Variants in TENM3 observed in about 807,000 individuals in gnomAD.
TENM3 encodes teneurin-3.
In TENM3, 63 loss-of-function variants were observed where a neutral mutation model predicts 255.1. The ratio of observed to expected loss-of-function variants is 0.25; its 90% CI spans 0.20 to 0.30. The LOEUF is 0.30. Ranked by LOEUF, TENM3 falls within the 10% of genes least tolerant of loss-of-function variation. The pLI is 1.00. For synonymous variants in TENM3, 1,306 were observed against 1,322.3 expected, an observed-to-expected ratio of 0.99 and a Z score of 0.27; for missense variants, 2,929 against 3,461.1, an observed-to-expected ratio of 0.85 and a Z score of 3.86.
chr4:182,639,709 A>G (rs909146953), intron 5 of TENM3, among the ~76,000 whole-genome samples: 4 of 152,226 alleles, frequency 2.6e-5, no homozygotes, highest in African/African-American at 9.6e-5. Flanking sequence ...TTGAATTCTT[A>G]TTTTCTTATG....
At chr4:182,153,013 C>A (rs922287253) in intron 1 of TENM3, among the ~76,000 whole-genome samples, 1 of 151,332 alleles carries the variant, frequency 6.6e-6, no homozygotes, top group African/African-American at 2.4e-5. Flanking sequence ...ATAAAGAAAC[C>A]TTAATAATTT....
At chr4:181,829,709 C>G in the TENM3 span, among the ~76,000 whole-genome samples, 4 of 152,152 alleles carry the variant, frequency 2.6e-5, no homozygotes, top group Admixed American at 1.3e-4. Flanking sequence ...CCCATTCAGT[C>G]CTCCCATGTC....
chr4:181,797,015 CA>C, the TENM3 span, among the ~76,000 whole-genome samples: 9 of 152,250 alleles, frequency 5.9e-5, 1 homozygote, highest in African/African-American at 1.7e-4. Context: ...GGGAGGCCCA[CA>C]GGCCAGAGTG....
chr4:181,956,860 A>G, the TENM3 span, among the ~76,000 whole-genome samples: 1 of 152,206 alleles, frequency 6.6e-6, no homozygotes. Context: ...CGGGCAACAA[A>G]TATTTATTAA....
chr4:182,087,961 T>C, the TENM3 span, among the ~76,000 whole-genome samples: 108 of 152,274 alleles, frequency 7.1e-4, no homozygotes, highest in African/African-American at 2.3e-3. Flanking sequence ...TTGCACAGTG[T>C]CTTCTACACA....
chr4:181,720,945 T>C, the TENM3 span, among the ~76,000 whole-genome samples: 6 of 151,948 alleles, frequency 3.9e-5, no homozygotes, highest in Non-Finnish European at 7.4e-5. Flanking sequence ...TGAAGTGAGG[T>C]GGCCAGGCTC....
chr4:182,553,936 C>T (rs1350595350), intron 3 of TENM3, among the ~76,000 whole-genome samples: 1 of 152,186 alleles, frequency 6.6e-6, no homozygotes, highest in Non-Finnish European at 1.5e-5. Context: ...TATGTCTCTT[C>T]CCTTACTCTA....
intron 1 of TENM3, among the ~76,000 whole-genome samples, chr4:182,157,823 C>T (rs1750811294): frequency 6.6e-6 from 1 of 152,178 alleles, no homozygotes; most frequent in Admixed American, 6.5e-5. Flanking sequence ...TCAACGGTAG[C>T]AAGCCCAACT....
intron 3 of TENM3, among the ~76,000 whole-genome samples, chr4:182,442,959 A>C (rs1030481024): frequency 3.3e-5 from 5 of 151,926 alleles, no homozygotes; most frequent in Non-Finnish European, 7.4e-5. Flanking sequence ...TCCTGGGCTC[A>C]AATGATCCAT....
the TENM3 span, among the ~76,000 whole-genome samples, chr4:181,802,831 G>A: frequency 1.2e-4 from 19 of 152,168 alleles, no homozygotes; most frequent in Middle Eastern, 3.4e-3. Flanking sequence ...CTTAAATTCC[G>A]TTTTATGCAG....
At chr4:182,485,729 G>A (rs1390575903) in intron 3 of TENM3, among the ~76,000 whole-genome samples, 1 of 152,112 alleles carries the variant, frequency 6.6e-6, no homozygotes, top group Admixed American at 6.6e-5. Flanking sequence ...ATATTTTATT[G>A]AGCAAATGCT....
chr4:181,674,698 G>T, the TENM3 span, among the ~76,000 whole-genome samples: 4 of 152,164 alleles, frequency 2.6e-5, no homozygotes, highest in East Asian at 7.8e-4. Context: ...TTCAGACCAG[G>T]ATTGTTCTGA....
intron 2 of TENM3, among the ~76,000 whole-genome samples, chr4:182,337,581 A>G (rs1300770666): frequency 6.6e-6 from 1 of 152,250 alleles, no homozygotes; most frequent in Non-Finnish European, 1.5e-5. Context: ...AAACTTTCAT[A>G]TGTAAAATGA....
chr4:182,025,528 A>G, the TENM3 span, among the ~76,000 whole-genome samples: 2 of 152,154 alleles, frequency 1.3e-5, no homozygotes, highest in African/African-American at 4.8e-5. Context: ...TCTTTTGGGT[A>G]TACACCCAGC....
At chr4:182,285,621 G>T (rs1486212861) in intron 1 of TENM3, among the ~76,000 whole-genome samples, 1 of 152,198 alleles carries the variant, frequency 6.6e-6, no homozygotes, top group Non-Finnish European at 1.5e-5. Context: ...AGCCAAAGTT[G>T]TTTGGAAAGG....
intron 2 of TENM3, 34 bp from the exon 3 acceptor site, chr4:182,346,617 T>A: frequency 6.4e-7 from 1 of 1,568,744 alleles, no homozygotes; most frequent in Non-Finnish European, 8.7e-7. Context: ...GAACATATAC[T>A]CACTAGTTGT....
chr4:181,479,446 A>G, the TENM3 span, among the ~76,000 whole-genome samples: 1 of 152,178 alleles, frequency 6.6e-6, no homozygotes, highest in African/African-American at 2.4e-5. Context: ...GAGGACTTAA[A>G]AAACCTTTAT....
the TENM3 span, among the ~76,000 whole-genome samples, chr4:182,012,310 G>A: frequency 6.6e-6 from 1 of 152,090 alleles, no homozygotes; most frequent in African/African-American, 2.4e-5. Context: ...TTCCTCTCCT[G>A]GGCTTCCATA....
chr4:181,748,579 A>G, the TENM3 span, among the ~76,000 whole-genome samples: 1 of 152,270 alleles, frequency 6.6e-6, no homozygotes, highest in Non-Finnish European at 1.5e-5. Flanking sequence ...TTTATACAGT[A>G]GCCAGAAGGC....
Sources: gnomAD v4.1 joint callset for allele counts (sites outside exome capture counted in the v4.1 genomes callset) on GRCh38, gnomAD v4.1.1 for gene constraint, MANE v1.5 for transcripts, NCBI Gene and HGNC (gene_info 2026-07-23, HGNC 2026-07-21) for gene names.